The following ADNP2 variants were observed in gnomAD, a reference collection of about 807,000 sequenced individuals.
ADNP2 encodes activity-dependent neuroprotector homeobox protein 2.
A neutral mutation model predicts 16.4 loss-of-function variants in ADNP2; 8 were observed. That is an observed-to-expected ratio of 0.49 (90% CI 0.29 to 0.88). ADNP2 has a LOEUF of 0.88. ADNP2 is among the 40% of genes least tolerant of loss of function. ADNP2 has a pLI of 0.09. For missense variants in ADNP2, 1,397 were observed against 1,395.1 expected (o/e 1.00, Z -0.02); for synonymous variants, 637 against 545.8 (o/e 1.17, Z -2.33).
At chr18:80,130,828 CCT>C (rs2052491640) in intron 2 of ADNP2, among the ~76,000 whole-genome samples, 3 of 147,648 alleles carry the variant, frequency 2.0e-5, no homozygotes, top group Non-Finnish European at 4.5e-5. Flanking sequence ...ATTCATAGCA[CCT>C]ACCACCCATG....
rs2052544094 is a variant in ADNP2 at position 80,137,082 on chromosome 18, G to A, written c.1669G>A (p.Gly557Ser). 6.2e-7 allele frequency: 1 copy of A among 1,613,980 alleles called. No individual in the cohort carries two copies. Among genetic ancestry groups the A allele is most frequent in the South Asian group, 1.1e-5 (1 of 91,080 alleles). The part of the protein sequence containing the change: ...QPVVSGVLPV[G>S]QPVRPGVLQL... Reference sequence around the variant, plus strand: ...TGTTGTGTCGGGAGTTCTTCCTGTGGGCCAGCCAGTGAGGCCTGGGGTCTT... The same window carrying A: ...TGTTGTGTCGGGAGTTCTTCCTGTGAGCCAGCCAGTGAGGCCTGGGGTCTT... The change falls in exon 4 of 4, where the codon GGC becomes AGC. Residue 557 changes from glycine to serine, a missense_variant. Around this residue, in one of 3 missense-constraint regions of ADNP2, gnomAD observed 777 missense variants for 719.4 expected, o/e 1.08. Transcript: ENST00000262198. The surrounding 1 kb of genome is among the most constrained non-coding windows in gnomAD (Gnocchi z 4.2).
In ADNP2 at chr18:80,135,723, C is replaced by T. The variant is rs2052527718; in HGVS notation, c.310C>T (p.Leu104=). ...RYHEDEIDQE[L]VIPCPNCVFA... ...CCATGAAGATGAAATTGACCAAGAG[C>T]TGGTGATCCCTTGCCCAAACTGTGT... The change falls in exon 4 of 4, where the codon CTG becomes TTG. Residue 104 remains leucine, a synonymous_variant. Transcript: ENST00000262198. 3 of 1,614,092 alleles carry T rather than the reference C, an allele frequency of 1.9e-6. No individual in the cohort carries two copies. Among genetic ancestry groups the T allele is most frequent in the African/African-American group, 1.3e-5 (1 of 74,926 alleles).
Position 80,137,388 on chromosome 18 carries a change from A to G in ADNP2, c.1975A>G (p.Met659Val), listed in dbSNP as rs749953098. 6 of 1,614,050 alleles carry G rather than the reference A, an allele frequency of 3.7e-6. No homozygotes were observed. In the African/African-American group the frequency reaches 4.0e-5, roughly 11 times the overall value. ...ACCAATGGCCGGTTCCATGCCCGGC[A>G]TGCCCTCTCCTCCAGTGCTGGTGAA... ...AAPMAGSMPG[M>V]PSPPVLVNAA... The change falls in exon 4 of 4, where the codon ATG becomes GTG. Residue 659 changes from methionine (M) to valine (V), a missense_variant. Coordinates refer to ENST00000262198, the MANE Select transcript of ADNP2 (RefSeq NM_014913.4). This position sits in a 1 kb window ranked among gnomAD's most constrained non-coding sequence, Gnocchi z 4.2.
chr18:80,129,614 AAGTTCTACTGAAAGGCCC>A lies in ADNP2; in HGVS notation c.109-3484_109-3467del, dbSNP rs141174084. On this transcript the variant is annotated intron_variant, in intron 2 of 3. Transcript: ENST00000262198. ...GTCCCCTGAGCTTCTTTTAAATGAGAAGTTCTACTGAAAGGCCCAGTTGATTCAAGTTAAACATTTTGG... is the reference window on the plus strand; with the variant it reads ...GTCCCCTGAGCTTCTTTTAAATGAGAAGTTGATTCAAGTTAAACATTTTGG... Among the ~76,000 whole-genome samples the A allele has an allele frequency of 3.5e-3, 529 of 152,236 alleles. 3 individuals are homozygous for A. Among genetic ancestry groups the A allele is most frequent in the African/African-American group, 0.012 (508 of 41,532 alleles).
chr18:80,129,019 C>T (rs2052478314), intron 2 of ADNP2, among the ~76,000 whole-genome samples: 1 of 151,068 alleles, frequency 6.6e-6, no homozygotes. Context: ...TTTCTCTGTT[C>T]TGTCTTGTCA....
Position 80,138,872 on chromosome 18 carries a change from TCA to T in ADNP2, c.*66_*67del, listed in dbSNP as rs2052562756. Reference sequence around the variant, plus strand: ...AGGTAGATTTTTTTCAGTTGAAATTTCACAGTGTTGTCCTCACTGTGTTGGTG... The same window carrying T: ...AGGTAGATTTTTTTCAGTTGAAATTTCAGTGTTGTCCTCACTGTGTTGGTG... On this transcript the variant is annotated 3_prime_UTR_variant, in exon 4 of 4. Transcript: ENST00000262198. 4.4e-6 allele frequency: 6 copies of T among 1,370,276 alleles called. No individual in the cohort carries two copies. The highest frequency in any genetic ancestry group is 1.5e-5 in the African/African-American group (1 of 67,966). The allele number at this position is 1,370,276 out of a possible 1,614,324, so 84.9% of individuals were successfully genotyped here.
At chr18:80,124,481 A>T (rs1325033395) in intron 2 of ADNP2, among the ~76,000 whole-genome samples, 2 of 152,228 alleles carry the variant, frequency 1.3e-5, no homozygotes, top group African/African-American at 4.8e-5. Context: ...AATCACAGTG[A>T]AAGAGATACA....
intron 1 of ADNP2, chr18:80,109,984 C>G (rs1038012995): frequency 1.3e-5 from 2 of 152,830 alleles, no homozygotes; most frequent in African/African-American, 4.8e-5. Context: ...CTCCTGGAAG[C>G]TTCTCTCTGG....
At chr18:80,129,095 C>CTTTTTTTTTT (rs1424348931) in intron 2 of ADNP2, among the ~76,000 whole-genome samples, 2 of 132,210 alleles carry the variant, frequency 1.5e-5, no homozygotes, top group Non-Finnish European at 3.2e-5. Flanking sequence ...TTACCCAGAA[C>CTTTTTTTTTT]TTTTTTTTTG....
chr18:80,123,975 C>T (rs1312923372), intron 2 of ADNP2, among the ~76,000 whole-genome samples: 1 of 152,158 alleles, frequency 6.6e-6, no homozygotes, highest in African/African-American at 2.4e-5. Flanking sequence ...AATGATTTAC[C>T]CACCTCGGTG....
chr18:80,117,555 C>A lies in ADNP2; in HGVS notation c.13C>A (p.Pro5Thr). 6.3e-7 allele frequency: 1 copy of A among 1,589,900 alleles called. No homozygotes were observed. The highest frequency in any genetic ancestry group is 1.2e-5 in the South Asian group (1 of 86,508). The change falls in exon 2 of 4, where the codon CCT becomes ACT. Residue 5 changes from proline to threonine, a missense_variant. Physicochemically the swap from Pro to Thr is conservative, Grantham distance 38. This residue lies in a region of ADNP2 where 777 missense variants were observed against 719.4 expected (regional missense o/e 1.08). Coordinates refer to ENST00000262198, the MANE Select transcript of ADNP2 (RefSeq NM_014913.4). ...GAAAATTTCAAAAATGTTTCAAATT[C>A]CTGTGGAAAATCTTGACAACATCAG... MFQI[P>T]VENLDNIRKV...
chr18:80,131,366 A>G (rs73490471), intron 2 of ADNP2, among the ~76,000 whole-genome samples: 5,653 of 152,256 alleles, frequency 0.037, 381 homozygotes, highest in African/African-American at 0.13. Flanking sequence ...TTCTCACTCT[A>G]GCAAGTGTAA....
At position 80,137,956 on chromosome 18, in the gene ADNP2, A is replaced by G. The variant is rs777088027; in HGVS notation, c.2543A>G (p.His848Arg). Residue 848 changes from histidine to arginine, a missense_variant, in exon 4 of 4, where the codon CAC becomes CGC. His to Arg is a conservative substitution (Grantham distance 29). Coordinates refer to ENST00000262198, the MANE Select transcript of ADNP2 (RefSeq NM_014913.4). The surrounding 1 kb of genome is among the most constrained non-coding windows in gnomAD (Gnocchi z 4.2). ...EVYLAILAGI[H>R]SKSLVPVYVK... The stretch of plus-strand genomic sequence containing the variant: ...TACTTGGCAATCCTGGCTGGGATAC[A>G]CTCCAAGTCACTGGTGCCTGTGTAT... The G allele has an allele frequency of 9.3e-6, 15 of 1,613,048 alleles. No individual in the cohort carries two copies. Among genetic ancestry groups the G allele is most frequent in the Admixed American group, 1.7e-5 (1 of 59,998 alleles).
intron 1 of ADNP2, 106 bp from the exon 2 acceptor site, chr18:80,117,424 T>G (rs1384399767): frequency 2.5e-5 from 15 of 609,804 alleles, no homozygotes; most frequent in Admixed American, 3.9e-5. Context: ...AACAATTTGT[T>G]GAAAATTATA....
At position 80,136,682 on chromosome 18, in the gene ADNP2, C is replaced by G. The variant is rs773035218; in HGVS notation, c.1269C>G (p.Pro423=). The part of the protein sequence containing the change: ...PVGPGVLPVS[P]SVTPGVLQAV... ...GGCCTGGTGTTCTTCCTGTGAGCCC[C>G]TCTGTCACCCCTGGGGTCCTGCAGG... Residue 423 remains proline, a synonymous_variant, in exon 4 of 4, where the codon CCC becomes CCG. Transcript: ENST00000262198. The G allele has an allele frequency of 4.3e-6, 7 of 1,613,354 alleles. No homozygotes were observed. Among genetic ancestry groups the G allele is most frequent in the Non-Finnish European group, 5.9e-6 (7 of 1,179,554 alleles).
chr18:80,138,752 T>C lies in ADNP2; in HGVS notation c.3339T>C (p.Phe1113=). The change falls in exon 4 of 4, where the codon TTT becomes TTC. Residue 1113 remains phenylalanine, a synonymous_variant. Transcript: ENST00000262198. ...KNHKPSVLLG[F]DMSELKNVKH... ...ACAAGCCTTCTGTACTTTTAGGCTT[T>C]GATATGTCTGAACTTAAAAATGTGA... 1 of 1,594,366 alleles carries C rather than the reference T, an allele frequency of 6.3e-7. No individual in the cohort carries two copies. Among genetic ancestry groups the C allele is most frequent in the Admixed American group, 1.8e-5 (1 of 54,528 alleles).
intron 2 of ADNP2, among the ~76,000 whole-genome samples, chr18:80,122,061 A>G (rs1025433353): frequency 8.5e-5 from 13 of 152,198 alleles, no homozygotes; most frequent in South Asian, 4.1e-4. Flanking sequence ...CTGAGATTAC[A>G]GGTGCCTACC....
intron 1 of ADNP2, among the ~76,000 whole-genome samples, chr18:80,110,391 A>G (rs2052350159): frequency 6.6e-6 from 1 of 152,038 alleles, no homozygotes. Context: ...GCCTCTTGGG[A>G]TCTTGAGGAA....
Position 80,138,181 on chromosome 18 carries a change from C to A in ADNP2, c.2768C>A (p.Thr923Lys). 1 of 1,614,128 alleles carries A rather than the reference C, an allele frequency of 6.2e-7. No individual in the cohort carries two copies. Among genetic ancestry groups the A allele is most frequent in the Non-Finnish European group, 8.5e-7 (1 of 1,180,038 alleles). The change falls in exon 4 of 4, where the codon ACG becomes AAG. Residue 923 changes from threonine (T) to lysine (K), a missense_variant. By Grantham distance (78) the Thr-to-Lys change is moderately conservative. Coordinates refer to ENST00000262198, the MANE Select transcript of ADNP2 (RefSeq NM_014913.4). ...TGCATCCACTGCTGTGGGGTCTACA[C>A]GGGAAATATGACCCTGGCTGCCATC... ...FKCIHCCGVY[T>K]GNMTLAAIAV...
Sources: gnomAD v4.1 joint callset for allele counts (sites outside exome capture counted in the v4.1 genomes callset) on GRCh38, gnomAD v4.1.1 for gene constraint, gnomAD v4.1.1 regional missense constraint, Gnocchi (gnomAD v3.1) non-coding constraint, MANE v1.5 for transcripts, NCBI Gene and HGNC (gene_info 2026-07-23, HGNC 2026-07-21) for gene names.